The following PRIM2 variants were observed in gnomAD, a reference collection of about 807,000 sequenced individuals.
The protein encoded by PRIM2 is DNA primase large subunit.
In PRIM2, 39 loss-of-function variants were observed where a neutral mutation model predicts 67.3. The ratio of observed to expected loss-of-function variants is 0.58; its 90% CI spans 0.45 to 0.76. The LOEUF is 0.76. Ranked by LOEUF, PRIM2 falls within the 30% of genes least tolerant of loss-of-function variation. The pLI is 0.00. For missense variants in PRIM2, 398 were observed against 598.7 expected, an observed-to-expected ratio of 0.66 and a Z score of 3.50; for synonymous variants, 143 against 198.7, an observed-to-expected ratio of 0.72 and a Z score of 2.36.
chr6:57,284,298 C>T, the PRIM2 span, among the ~76,000 whole-genome samples: 2 of 152,158 alleles, frequency 1.3e-5, no homozygotes, highest in African/African-American at 4.8e-5. Flanking sequence ...CTACAATTGC[C>T]AAGTTTGGTC....
chr6:57,283,598 A>T, the PRIM2 span, among the ~76,000 whole-genome samples: 5 of 152,292 alleles, frequency 3.3e-5, no homozygotes, highest in East Asian at 7.7e-4. Flanking sequence ...GAAAGTGCTA[A>T]CACTTTTTTT....
chr6:57,346,960 A>G (rs997458050), intron 5 of PRIM2, among the ~76,000 whole-genome samples: 4 of 152,162 alleles, frequency 2.6e-5, no homozygotes, highest in Admixed American at 2.0e-4. Context: ...TACAAAGGAC[A>G]ACAGCACAGT....
At chr6:57,375,648 C>A (rs1769736942) in intron 5 of PRIM2, among the ~76,000 whole-genome samples, 1 of 149,332 alleles carries the variant, frequency 6.7e-6, no homozygotes. Flanking sequence ...AACTCCTGGG[C>A]TCAAGAGATC....
chr6:57,557,885 C>T (rs1244545287), intron 10 of PRIM2, among the ~76,000 whole-genome samples: 1 of 151,684 alleles, frequency 6.6e-6, no homozygotes, highest in African/African-American at 2.4e-5. Context: ...ATAATAATAA[C>T]CTCTTTGGAG....
chr6:57,280,148 T>C, the PRIM2 span, among the ~76,000 whole-genome samples: 3 of 152,312 alleles, frequency 2.0e-5, no homozygotes, highest in South Asian at 6.2e-4. Flanking sequence ...GTTTTTGTTT[T>C]CGTTTTTATT....
intron 7 of PRIM2, among the ~76,000 whole-genome samples, chr6:57,434,074 G>T (rs368566365): frequency 2.6e-5 from 4 of 151,836 alleles, no homozygotes; most frequent in Middle Eastern, 3.2e-3. Context: ...ACAAGCGTGC[G>T]CCACCATGCC....
Position 57,380,461 on chromosome 6 carries a change from G to T in PRIM2, c.555+465G>T, listed in dbSNP as rs551660982. 5.9e-5 allele frequency among the ~76,000 whole-genome samples: 9 copies of T among 152,110 alleles called. No homozygotes were observed. The East Asian group carries it at 1.5e-3, about 26-fold the overall frequency. ...ATTGTAAGCCTACGTTTTTTCCTAT[G>T]GGAATGCCCTCCTTAACCTACTCAG... On this transcript the variant is annotated intron_variant, in intron 6 of 13. Transcript: ENST00000615550.
chr6:57,629,520 G>A, intron 12 of PRIM2, among the ~76,000 whole-genome samples: 1 of 152,222 alleles, frequency 6.6e-6, no homozygotes, highest in Non-Finnish European at 1.5e-5. Context: ...TTCCTCTTGA[G>A]TATTTTCATG....
At chr6:57,381,243 C>T (rs1022577309) in intron 6 of PRIM2, among the ~76,000 whole-genome samples, 2 of 152,066 alleles carry the variant, frequency 1.3e-5, no homozygotes, top group African/African-American at 4.8e-5. Flanking sequence ...TGTGAGATGT[C>T]GTTGGATATA....
intron 13 of PRIM2, among the ~76,000 whole-genome samples, chr6:57,641,825 G>C (rs1301740865): frequency 6.6e-6 from 1 of 152,160 alleles, no homozygotes; most frequent in African/African-American, 2.4e-5. Flanking sequence ...ACAGTGTGGC[G>C]ATTTCTCAAG....
At chr6:57,539,977 G>A (rs1467165007) in intron 10 of PRIM2, among the ~76,000 whole-genome samples, 6 of 146,678 alleles carry the variant, frequency 4.1e-5, no homozygotes, top group Non-Finnish European at 8.9e-5. Context: ...CTGAGTGACA[G>A]AGTGAGACTC....
chr6:57,555,262 G>A (rs1240024165), intron 10 of PRIM2, among the ~76,000 whole-genome samples: 7 of 152,164 alleles, frequency 4.6e-5, no homozygotes, highest in African/African-American at 7.2e-5. Flanking sequence ...AGTATGTCTG[G>A]CACTTTGTGT....
At chr6:57,602,605 A>G (rs1776491195) in intron 11 of PRIM2, among the ~76,000 whole-genome samples, 1 of 152,196 alleles carries the variant, frequency 6.6e-6, no homozygotes, top group African/African-American at 2.4e-5. Flanking sequence ...GTGGCCAAGT[A>G]AAACTCCCAG....
Position 57,371,217 on chromosome 6 carries a change from T to C in PRIM2, c.460-8684T>C, listed in dbSNP as rs540634862. On this transcript the variant is annotated intron_variant, in intron 5 of 13. Transcript: ENST00000615550. Reference sequence around the variant, plus strand: ...AAAGTCTGTTGTAGCTAAAGTATTCTGTTGTGTGGCAGTTGAACTGATGTG... The same window carrying C: ...AAAGTCTGTTGTAGCTAAAGTATTCCGTTGTGTGGCAGTTGAACTGATGTG... 2.0e-3 allele frequency among the ~76,000 whole-genome samples: 307 copies of C among 152,004 alleles called. 1 individual carries two copies. The highest frequency in any genetic ancestry group is 7.0e-3 in the African/African-American group (291 of 41,448).
intron 10 of PRIM2, among the ~76,000 whole-genome samples, chr6:57,559,005 T>G (rs2127477526): frequency 6.6e-6 from 1 of 152,020 alleles, no homozygotes; most frequent in East Asian, 1.9e-4. Flanking sequence ...GGTGTGGTGA[T>G]ACACACCTGT....
At chr6:57,364,252 C>G (rs530713539) in intron 5 of PRIM2, among the ~76,000 whole-genome samples, 1 of 152,208 alleles carries the variant, frequency 6.6e-6, no homozygotes, top group Admixed American at 6.5e-5. Context: ...GTCTTTCACC[C>G]ATGTTGCCTT....
chr6:57,517,371 C>G (rs1487659279), intron 8 of PRIM2, among the ~76,000 whole-genome samples: 5 of 152,014 alleles, frequency 3.3e-5, no homozygotes, highest in African/African-American at 1.2e-4. Flanking sequence ...ATATTAGCAA[C>G]AAAAAGCAAC....
intron 10 of PRIM2, among the ~76,000 whole-genome samples, chr6:57,550,313 T>G (rs1255496736): frequency 4.6e-5 from 7 of 152,210 alleles, no homozygotes; most frequent in Non-Finnish European, 8.8e-5. Flanking sequence ...CTTGATGCTT[T>G]CCATAGCATG....
intron 7 of PRIM2, among the ~76,000 whole-genome samples, chr6:57,461,385 T>C (rs1772997312): frequency 1.3e-5 from 2 of 152,182 alleles, no homozygotes; most frequent in Admixed American, 6.5e-5. Flanking sequence ...TCAAGGGCAC[T>C]GCAATTAGTA....
Sources: allele counts gnomAD v4.1 joint callset (sites outside exome capture counted in the v4.1 genomes callset), GRCh38; gene constraint gnomAD v4.1.1; transcripts MANE v1.5; gene names NCBI Gene and HGNC (gene_info 2026-07-23, HGNC 2026-07-21).